The following CTNND2 variants were observed in gnomAD, a reference collection of about 807,000 sequenced individuals.
The protein encoded by CTNND2 is catenin delta 2.
A neutral mutation model predicts 144.4 loss-of-function variants in CTNND2; 22 were observed. The ratio of observed to expected loss-of-function variants is 0.15; its 90% CI spans 0.11 to 0.22. CTNND2 has a LOEUF of 0.22. Ranked by LOEUF, CTNND2 falls within the 10% of genes least tolerant of loss-of-function variation. The probability of loss-of-function intolerance (pLI) is 1.00; values close to 1 mark genes in which losing one functional copy is unlikely to be tolerated. For missense variants in CTNND2, 1,353 were observed against 1,618.8 expected (o/e 0.84, Z 2.82); for synonymous variants, 751 against 695.6 (o/e 1.08, Z -1.25).
chr5:11,501,887 G>A lies in CTNND2; in HGVS notation c.287+63057C>T, dbSNP rs572761939. On this transcript the variant is annotated intron_variant, in intron 3 of 21. Coordinates refer to ENST00000304623, the MANE Select transcript of CTNND2 (RefSeq NM_001332.4). ...ACTAAAAATCCAAAAAATTAGCTGG[G>A]TGTGGTTGCAGGTGCCTGTAGTCCC... 3.7e-4 allele frequency among the ~76,000 whole-genome samples: 57 copies of A among 152,026 alleles called. No homozygotes were observed. In the South Asian group the frequency reaches 9.6e-3, roughly 26 times the overall value.
intron 16 of CTNND2, among the ~76,000 whole-genome samples, chr5:11,068,874 A>C (rs1384373127): frequency 1.3e-5 from 2 of 152,180 alleles, no homozygotes; most frequent in Non-Finnish European, 2.9e-5. Flanking sequence ...CCGAGATCGC[A>C]CCACTGCACT....
chr5:11,887,053 G>C lies in CTNND2; in HGVS notation c.37+16764C>G, dbSNP rs1028537507. On this transcript the variant is annotated intron_variant, in intron 1 of 21. Transcript: ENST00000304623. Reference sequence around the variant, plus strand: ...GGCTGGAGTGCGGTGGCGCGATCTCGGCTCACTGCAAGCTCTGCCTCCCGG... The same window carrying C: ...GGCTGGAGTGCGGTGGCGCGATCTCCGCTCACTGCAAGCTCTGCCTCCCGG... Among the ~76,000 whole-genome samples, 3 of 134,422 alleles carry C rather than the reference G, an allele frequency of 2.2e-5. No individual in the cohort carries two copies. In the Admixed American group the frequency reaches 2.8e-4, roughly 12 times the overall value. 88.2% of individuals were successfully genotyped at this position (134,422 alleles called of 152,430 possible). A position where few individuals can be genotyped will look rare whatever the true frequency, so the allele number is the denominator to read the frequency against.
intron 11 of CTNND2, among the ~76,000 whole-genome samples, chr5:11,170,593 C>T (rs1393314517): frequency 6.6e-6 from 1 of 151,692 alleles, no homozygotes; most frequent in Non-Finnish European, 1.5e-5. Context: ...CACACACATA[C>T]ACACACACAC....
At chr5:11,456,959 T>A (rs1430756374) in intron 3 of CTNND2, among the ~76,000 whole-genome samples, 1 of 152,232 alleles carries the variant, frequency 6.6e-6, no homozygotes, top group Non-Finnish European at 1.5e-5. Flanking sequence ...CTAAATTGTC[T>A]AAACTTGTTC....
At chr5:11,320,314 T>C (rs553795060) in intron 9 of CTNND2, among the ~76,000 whole-genome samples, 16 of 152,324 alleles carry the variant, frequency 1.1e-4, no homozygotes, top group Admixed American at 1.3e-4. Context: ...ATAAGTAAAG[T>C]TGCTTCAGTT....
chr5:11,328,372 T>A (rs258843), intron 9 of CTNND2, among the ~76,000 whole-genome samples: 22,839 of 151,450 alleles, frequency 0.15, 3,915 homozygotes, highest in African/African-American at 0.43. Context: ...GGCTCACTGC[T>A]GCCTTGACCT....
intron 17 of CTNND2, among the ~76,000 whole-genome samples, chr5:11,020,832 ACT>A (rs2149536429): frequency 6.6e-6 from 1 of 151,038 alleles, no homozygotes; most frequent in South Asian, 2.1e-4. Flanking sequence ...CCAATTTAAC[ACT>A]TCTTATTAAA....
chr5:11,811,835 T>C (rs1323415157), intron 1 of CTNND2, among the ~76,000 whole-genome samples: 2 of 152,196 alleles, frequency 1.3e-5, no homozygotes, highest in African/African-American at 4.8e-5. Context: ...CTGTTTGTTG[T>C]TGAACAGCAG....
In CTNND2 at chr5:10,978,510, A is replaced by G. The variant is rs376274311; in HGVS notation, c.3417+3263T>C. ...AAATACTTTTTGGGGAGGGGGGGGA[A>G]CCCTCTCTTTGGTGGACGTTTAAAA... On this transcript the variant is annotated intron_variant, in intron 21 of 21. Coordinates refer to ENST00000304623, the MANE Select transcript of CTNND2 (RefSeq NM_001332.4). Among the ~76,000 whole-genome samples, 136 of 151,208 alleles carry G rather than the reference A, an allele frequency of 9.0e-4. 1 individual carries two copies. Among genetic ancestry groups the G allele is most frequent in the African/African-American group, 3.1e-3 (127 of 41,118 alleles).
intron 20 of CTNND2, among the ~76,000 whole-genome samples, chr5:10,985,562 T>A (rs1299151262): frequency 6.6e-6 from 1 of 152,224 alleles, no homozygotes; most frequent in Non-Finnish European, 1.5e-5. Flanking sequence ...AGGCTGCATT[T>A]TGGGGATGAA....
chr5:11,200,618 CA>C (rs1437946541), intron 10 of CTNND2, among the ~76,000 whole-genome samples: 1 of 152,178 alleles, frequency 6.6e-6, no homozygotes, highest in Non-Finnish European at 1.5e-5. Context: ...ATTCATGTCA[CA>C]GATGTGCTGG....
At chr5:11,240,754 CAT>C (rs1742300503) in intron 9 of CTNND2, among the ~76,000 whole-genome samples, 4 of 146,166 alleles carry the variant, frequency 2.7e-5, no homozygotes, top group Admixed American at 6.8e-5. Flanking sequence ...AACACACACA[CAT>C]CCAACAGACA....
At chr5:11,749,173 T>C (rs544783912) in intron 1 of CTNND2, among the ~76,000 whole-genome samples, 11 of 152,068 alleles carry the variant, frequency 7.2e-5, no homozygotes, top group South Asian at 2.1e-4. Context: ...TAGACCTAGC[T>C]CCCATCTTGA....
intron 2 of CTNND2, among the ~76,000 whole-genome samples, chr5:11,600,705 CAAAAAAAAAAA>C (rs755277116): frequency 8.7e-5 from 7 of 80,608 alleles, no homozygotes; most frequent in South Asian, 4.8e-4. Context: ...GATTCTGTCT[CAAAAAAAAAAA>C]AAAAAAAAAA....
chr5:11,073,829 T>C (rs553433753), intron 16 of CTNND2, among the ~76,000 whole-genome samples: 1 of 152,322 alleles, frequency 6.6e-6, no homozygotes, highest in South Asian at 2.1e-4. Context: ...AATCAAGTTA[T>C]TAAAACAAAC....
intron 5 of CTNND2, among the ~76,000 whole-genome samples, chr5:11,409,084 GTT>G (rs563814077): frequency 6.6e-6 from 1 of 151,814 alleles, no homozygotes; most frequent in African/African-American, 2.4e-5. Context: ...CTCTGAATGT[GTT>G]TTTTCCCCCA....
chr5:11,225,610 C>T (rs928482038), intron 10 of CTNND2, among the ~76,000 whole-genome samples: 2 of 152,160 alleles, frequency 1.3e-5, no homozygotes, highest in African/African-American at 4.8e-5. Flanking sequence ...CCAAAAAGCA[C>T]TCCCAGCTCC....
At chr5:11,046,375 C>T (rs976542743) in intron 16 of CTNND2, among the ~76,000 whole-genome samples, 1 of 152,186 alleles carries the variant, frequency 6.6e-6, no homozygotes, top group Non-Finnish European at 1.5e-5. Context: ...GAAGCGAGGG[C>T]GGCAGCCTAG....
intron 11 of CTNND2, among the ~76,000 whole-genome samples, chr5:11,181,818 G>GGT (rs144690966): frequency 2.7e-5 from 4 of 147,326 alleles, no homozygotes; most frequent in African/African-American, 5.0e-5. Flanking sequence ...GAATGCGTGT[G>GGT]GTGTGTGTGT....
Sources: allele counts gnomAD v4.1 joint callset (sites outside exome capture counted in the v4.1 genomes callset), GRCh38; gene constraint gnomAD v4.1.1; transcripts MANE v1.5; gene names NCBI Gene and HGNC (gene_info 2026-07-23, HGNC 2026-07-21).